The following PDE1A variants were observed in gnomAD, a reference collection of about 807,000 sequenced individuals.
PDE1A encodes phosphodiesterase 1A, also known as dual specificity calcium/calmodulin-dependent 3',5'-cyclic nucleotide phosphodiesterase 1A.
Under a neutral mutation model 61.7 loss-of-function variants are expected in PDE1A, and 35 were observed. The ratio of observed to expected loss-of-function variants is 0.57; its 90% CI spans 0.43 to 0.75. PDE1A has a LOEUF of 0.75. PDE1A is among the 30% of genes least tolerant of loss of function. PDE1A has a pLI of 0.00. For missense variants in PDE1A, 597 were observed against 630.6 expected, an observed-to-expected ratio of 0.95 and a Z score of 0.57; for synonymous variants, 232 against 213.2, an observed-to-expected ratio of 1.09 and a Z score of -0.77.
chr2:182,469,401 C>T (rs1420249821), intron 2 of PDE1A, among the ~76,000 whole-genome samples: 3 of 151,934 alleles, frequency 2.0e-5, no homozygotes, highest in African/African-American at 7.2e-5. Flanking sequence ...CTGCTAGCTT[C>T]AGACTTTTCT....
intron 2 of PDE1A, among the ~76,000 whole-genome samples, chr2:182,469,469 C>T (rs1000928295): frequency 2.0e-5 from 3 of 151,988 alleles, no homozygotes; most frequent in Non-Finnish European, 4.4e-5. Context: ...TAGGGCCTTG[C>T]TCCGAATTAG....
intron 1 of PDE1A, among the ~76,000 whole-genome samples, chr2:182,274,632 G>A (rs1252897972): frequency 6.6e-6 from 1 of 152,084 alleles, no homozygotes; most frequent in African/African-American, 2.4e-5. Flanking sequence ...TTATTGTGAA[G>A]GTTGTTATAT....
intron 4 of PDE1A, among the ~76,000 whole-genome samples, chr2:182,232,286 T>C (rs997585915): frequency 1.3e-5 from 2 of 152,192 alleles, no homozygotes; most frequent in African/African-American, 2.4e-5. Flanking sequence ...TCCATTCTAA[T>C]GGTTATCAGA....
the PDE1A span, among the ~76,000 whole-genome samples, chr2:182,705,664 C>T: frequency 6.6e-6 from 1 of 152,142 alleles, no homozygotes; most frequent in Non-Finnish European, 1.5e-5. Flanking sequence ...CAGGCATGCG[C>T]CACCAAGCCC....
downstream of PDE1A, among the ~76,000 whole-genome samples, chr2:182,145,033 C>T (rs1205889208): frequency 6.6e-6 from 1 of 152,196 alleles, no homozygotes; most frequent in African/African-American, 2.4e-5. Flanking sequence ...TGCCAATCGT[C>T]ACCCCTCCTG....
intron 1 of PDE1A, among the ~76,000 whole-genome samples, chr2:182,405,723 G>C (rs1276360090): frequency 1.3e-5 from 2 of 152,078 alleles, no homozygotes; most frequent in African/African-American, 2.4e-5. Context: ...CATAGTAACT[G>C]TAGTTAATAA....
chr2:182,387,471 A>C (rs1018211983), intron 1 of PDE1A, among the ~76,000 whole-genome samples: 20 of 151,950 alleles, frequency 1.3e-4, no homozygotes, highest in Admixed American at 3.9e-4. Context: ...AGAAAGAGAG[A>C]GAGAGGTTGG....
rs904640963 is a variant in PDE1A at position 182,170,545 on chromosome 2, C to T, written c.1517-2255G>A. 4.6e-5 allele frequency among the ~76,000 whole-genome samples: 7 copies of T among 152,038 alleles called. No homozygotes were observed. In the East Asian group the frequency reaches 5.8e-4, roughly 13 times the overall value. ...TCTGTACTCCTACCGCATAGCTATA[C>T]CATATAATTTTCTGTGTGCTATATG... On this transcript the variant is annotated intron_variant, in intron 13 of 13. Coordinates refer to ENST00000351439, the Ensembl canonical transcript of PDE1A.
At chr2:182,587,204 T>C in the PDE1A span, among the ~76,000 whole-genome samples, 1 of 152,172 alleles carries the variant, frequency 6.6e-6, no homozygotes, top group African/African-American at 2.4e-5. Context: ...GTGTTTCATA[T>C]TAAGGAGTTT....
chr2:182,577,931 C>CGGAAGGAAGGAAGGAAGGAA, the PDE1A span, among the ~76,000 whole-genome samples: 595 of 82,202 alleles, frequency 7.2e-3, 4 homozygotes, highest in African/African-American at 0.011. Context: ...AGAAAGAAAA[C>CGGAAGGAAGGAAGGAAGGAA]GGAAGGAAGG....
chr2:182,560,064 CT>C, the PDE1A span, among the ~76,000 whole-genome samples: 2,563 of 140,092 alleles, frequency 0.018, 66 homozygotes, highest in African/African-American at 0.058. Flanking sequence ...GATAGGGATT[CT>C]TTTTTTTTTT....
At chr2:182,626,752 T>TATATATACATATATATAC in the PDE1A span, among the ~76,000 whole-genome samples, 7 of 21,554 alleles carry the variant, frequency 3.2e-4, 2 homozygotes, top group Non-Finnish European at 5.2e-4. Flanking sequence ...TATATACATA[T>TATATATACATATATATAC]ATATATATAC....
intron 1 of PDE1A, among the ~76,000 whole-genome samples, chr2:182,352,754 G>A (rs1698961353): frequency 6.6e-6 from 1 of 151,386 alleles, no homozygotes; most frequent in Admixed American, 6.6e-5. Flanking sequence ...CTTGATGTGT[G>A]GCAGAAAGCA....
chr2:182,262,908 G>A (rs151119667), intron 2 of PDE1A, among the ~76,000 whole-genome samples: 1,689 of 152,000 alleles, frequency 0.011, 34 homozygotes, highest in South Asian at 0.088. Context: ...ACTGTGACCA[G>A]GGTAGAGGCA....
chr2:182,481,865 A>G (rs546859730), intron 2 of PDE1A, among the ~76,000 whole-genome samples: 2 of 152,042 alleles, frequency 1.3e-5, no homozygotes, highest in Admixed American at 1.3e-4. Flanking sequence ...AGAGGCATCT[A>G]CTAGTTGGAT....
rs201821721 is a variant in PDE1A, at chr2:182,364,466, TAAAAAAAAA to T, written c.53+62103_53+62111del. 4.5e-3 allele frequency among the ~76,000 whole-genome samples: 160 copies of T among 35,844 alleles called. 1 individual carries two copies. The highest frequency in any genetic ancestry group is 0.016 in the East Asian group (24 of 1,512). 23.5% of individuals were successfully genotyped at this position (35,844 alleles called of 152,430 possible). On this transcript the variant is annotated intron_variant, in intron 1 of 13. Coordinates refer to ENST00000351439, the Ensembl canonical transcript of PDE1A. Reference sequence around the variant, plus strand: ...CTCAGACTATATTAGAACACTTTGGTAAAAAAAAAAAAAAAAAAAAAAAAAAAAAAAAAC... The same window carrying T: ...CTCAGACTATATTAGAACACTTTGGTAAAAAAAAAAAAAAAAAAAAAAAAC...
chr2:182,664,144 A>T, the PDE1A span, among the ~76,000 whole-genome samples: 4 of 152,324 alleles, frequency 2.6e-5, no homozygotes, highest in Admixed American at 6.5e-5. Flanking sequence ...CATCCATCCA[A>T]TAAATAAAAA....
chr2:182,223,200 G>A (rs1457361709), intron 7 of PDE1A, among the ~76,000 whole-genome samples: 2 of 151,986 alleles, frequency 1.3e-5, no homozygotes, highest in African/African-American at 4.8e-5. Flanking sequence ...GGTGTTGTCT[G>A]TAAGTCAAGA....
chr2:182,607,318 A>C, the PDE1A span, among the ~76,000 whole-genome samples: 10 of 152,226 alleles, frequency 6.6e-5, no homozygotes, highest in East Asian at 3.9e-4. Context: ...TAAACCATAA[A>C]TATCAGTTCT....
Sources: gnomAD v4.1 joint callset for allele counts (sites outside exome capture counted in the v4.1 genomes callset) on GRCh38, gnomAD v4.1.1 for gene constraint, MANE v1.5 for transcripts, NCBI Gene and HGNC (gene_info 2026-07-23, HGNC 2026-07-21) for gene names.